Variants in NUP210 observed in about 807,000 individuals in gnomAD.
The protein encoded by NUP210 is nuclear pore membrane glycoprotein 210.
In NUP210, 151 loss-of-function variants were observed where a neutral mutation model predicts 196.0. The ratio of observed to expected loss-of-function variants is 0.77; its 90% CI spans 0.67 to 0.88. NUP210 has a LOEUF of 0.88. NUP210 is among the 40% of genes least tolerant of loss of function. The pLI is 0.00. For missense variants in NUP210, 2,314 were observed against 2,493.7 expected (o/e 0.93, Z 1.53); for synonymous variants, 1,070 against 1,052.7 (o/e 1.02, Z -0.32).
At chr3:13,317,809 C>A in intron 39 of NUP210, 28 bp from the exon 40 acceptor site, 1 of 1,504,626 alleles carries the variant, frequency 6.6e-7, no homozygotes, top group Non-Finnish European at 9.1e-7. Context: ...ACGATGTTAG[C>A]AGCAGAGCCA....
intron 30 of NUP210, among the ~76,000 whole-genome samples, 159 bp downstream of exon 30, chr3:13,330,301 C>T (rs1696942493): frequency 6.6e-6 from 1 of 152,214 alleles, no homozygotes; most frequent in Non-Finnish European, 1.5e-5. Context: ...GATGCTGTAG[C>T]TTTTTATCTA....
chr3:13,420,072 C>A lies in NUP210; in HGVS notation c.155G>T (p.Gly52Val). The change falls in exon 1 of 40, where the codon GGC becomes GTC. Residue 52 changes from glycine (G) to valine (V), a missense_variant. Physicochemically the swap from Gly to Val is moderately radical, Grantham distance 109. Coordinates refer to ENST00000254508, the MANE Select transcript of NUP210 (RefSeq NM_024923.4). This position sits in a 1 kb window ranked among gnomAD's most constrained non-coding sequence, Gnocchi z 4.8. Reference protein sequence around the residue: ...RVNFTLEASEGCYRWLSTRPE... With the variant: ...RVNFTLEASEVCYRWLSTRPE... ...CCGCGCGCCTCACCAGCGGTAGCAGCCCTCCGAGGCCTCCAGCGTGAAGTT... is the reference window on the plus strand; with the variant it reads ...CCGCGCGCCTCACCAGCGGTAGCAGACCTCCGAGGCCTCCAGCGTGAAGTT... The A allele has an allele frequency of 7.4e-7, 1 of 1,352,712 alleles. No homozygotes were observed. 83.8% of individuals were successfully genotyped at this position (1,352,712 alleles called of 1,614,324 possible). A position where few individuals can be genotyped will look rare whatever the true frequency, so the allele number is the denominator to read the frequency against.
chr3:13,418,013 G>C (rs1700403430), intron 1 of NUP210, among the ~76,000 whole-genome samples: 1 of 152,210 alleles, frequency 6.6e-6, no homozygotes, highest in South Asian at 2.1e-4. Context: ...GGATTCACTT[G>C]AAGCCAGCTG....
intron 1 of NUP210, among the ~76,000 whole-genome samples, chr3:13,401,889 C>CT (rs202000088): frequency 1.0e-4 from 15 of 150,302 alleles, no homozygotes; most frequent in African/African-American, 2.7e-4. Context: ...CCTAAAACTG[C>CT]TTTAAAAAAA....
chr3:13,332,750 A>C (rs1019344632), intron 28 of NUP210, among the ~76,000 whole-genome samples: 2 of 152,022 alleles, frequency 1.3e-5, no homozygotes, highest in African/African-American at 4.8e-5. Flanking sequence ...CACATGGCCA[A>C]AGATATGATG....
Position 13,378,974 on chromosome 3 carries a change from C to T in NUP210, c.983G>A (p.Arg328His), listed in dbSNP as rs765447965. 26 of 1,613,678 alleles carry T rather than the reference C, an allele frequency of 1.6e-5. No individual in the cohort carries two copies. The highest frequency in any genetic ancestry group is 1.7e-5 in the Non-Finnish European group (20 of 1,179,744). ...SSLVLGHRSI[R>H]MQGASRLPNS... ...GGGTAACCTAGAAGCACCTTGCATG[C>T]GAATACCTGAATTTTGAATTAAGGG... Residue 328 changes from arginine to histidine, a missense_variant, in exon 8 of 40, where the codon CGC becomes CAC. Coordinates refer to ENST00000254508, the MANE Select transcript of NUP210 (RefSeq NM_024923.4).
At position 13,335,313 on chromosome 3, in the gene NUP210, G is replaced by A. The variant is rs116669844; in HGVS notation, c.3843+141C>T. ...CACACCCGGATGTTTACCCCACTGC[G>A]ATGGACCACTGTCATCCCCACGGAC... On this transcript the variant is annotated intron_variant, in intron 28 of 39. Coordinates refer to ENST00000254508, the MANE Select transcript of NUP210 (RefSeq NM_024923.4). The A allele has an allele frequency of 5.8e-3, 5,638 of 979,556 alleles. 223 individuals carry two copies. In the African/African-American group the frequency reaches 0.081, roughly 14 times the overall value. 60.7% of individuals were successfully genotyped at this position (979,556 alleles called of 1,614,324 possible). A position where few individuals can be genotyped will look rare whatever the true frequency, so the allele number is the denominator to read the frequency against.
At chr3:13,385,334 C>T (rs78697756) in intron 6 of NUP210, among the ~76,000 whole-genome samples, 4,308 of 152,306 alleles carry the variant, frequency 0.028, 73 homozygotes, top group South Asian at 0.034. Context: ...CTGAGGCCCT[C>T]GGATGGACTG....
rs1417849521 is a variant in NUP210, at chr3:13,350,467, CAAAACAAAACAA to C, written c.2835+1400_2835+1411del. 2.6e-5 allele frequency among the ~76,000 whole-genome samples: 2 copies of C among 78,320 alleles called. No individual in the cohort carries two copies. The highest frequency in any genetic ancestry group is 2.0e-4 in the East Asian group (1 of 5,004). The allele number at this position is 78,320 out of a possible 152,430, so 51.4% of individuals were successfully genotyped here. ...CAAAACAAAACAAAACAAAACAAAACAAAACAAAACAAAAAACAAAACAAAACAGGAAAACAT... is the reference window on the plus strand; with the variant it reads ...CAAAACAAAACAAAACAAAACAAAACAAAACAAAACAAAACAGGAAAACAT... On this transcript the variant is annotated intron_variant, in intron 20 of 39. Transcript: ENST00000254508. This position sits in a 1 kb window ranked among gnomAD's most constrained non-coding sequence, Gnocchi z 4.1.
chr3:13,420,009 G>T lies in NUP210; in HGVS notation c.167+51C>A, dbSNP rs753802627. The T allele has an allele frequency of 3.6e-6, 4 of 1,106,992 alleles. No homozygotes were observed. The highest frequency in any genetic ancestry group is 1.7e-5 in the African/African-American group (1 of 59,832). 68.6% of individuals were successfully genotyped at this position (1,106,992 alleles called of 1,614,324 possible). On this transcript the variant is annotated intron_variant, in intron 1 of 39. Transcript: ENST00000254508. This position sits in a 1 kb window ranked among gnomAD's most constrained non-coding sequence, Gnocchi z 4.8. Reference sequence around the variant, plus strand: ...CGGCGCCCGCCCAGCCTCTCAGCGCGAAGGCCCAGCCCGGCCCACGGCGCC... The same window carrying T: ...CGGCGCCCGCCCAGCCTCTCAGCGCTAAGGCCCAGCCCGGCCCACGGCGCC...
intron 1 of NUP210, among the ~76,000 whole-genome samples, chr3:13,414,645 C>T (rs566935118): frequency 2.0e-5 from 3 of 152,326 alleles, no homozygotes; most frequent in African/African-American, 7.2e-5. Flanking sequence ...CCTTTGCGCA[C>T]TTCTGACAAG....
At chr3:13,407,798 T>A (rs4684936) in intron 1 of NUP210, among the ~76,000 whole-genome samples, 1 of 151,980 alleles carries the variant, frequency 6.6e-6, no homozygotes, top group Non-Finnish European at 1.5e-5. Flanking sequence ...CATCCACTTA[T>A]TGAAACCATA....
intron 1 of NUP210, among the ~76,000 whole-genome samples, chr3:13,404,822 T>C (rs1021404338): frequency 2.6e-5 from 4 of 152,182 alleles, no homozygotes; most frequent in Middle Eastern, 3.2e-3. Context: ...TGGCCAGTCA[T>C]GTGCAAGTCG....
At chr3:13,327,896 T>C (rs1418968696) in intron 31 of NUP210, among the ~76,000 whole-genome samples, 1 of 152,210 alleles carries the variant, frequency 6.6e-6, no homozygotes, top group African/African-American at 2.4e-5. Context: ...AGGCCTGGCA[T>C]AAGCATTACA....
In NUP210 at chr3:13,328,937, CAG is replaced by C. The variant is rs753818868; in HGVS notation, c.4118_4119del (p.Pro1373ArgfsTer55). On this transcript the variant is annotated frameshift_variant, in exon 31 of 40. Transcript: ENST00000254508. LOFTEE classifies it high-confidence loss of function. ...CTCATGGAAACCCTCAGGTAGGAAA[CAG>C]GGGATACCTAAGGGACAACATACAG... The part of the protein sequence containing the change: ...QTIIVAVKVS[P>X]VSYLRVSMSP... The C allele has an allele frequency of 2.5e-6, 4 of 1,613,742 alleles. No individual in the cohort carries two copies. The South Asian group carries it at 3.3e-5, about 13-fold the overall frequency.
Position 13,393,463 on chromosome 3 carries a change from G to C in NUP210, c.437-2156C>G, listed in dbSNP as rs1699554605. Among the ~76,000 whole-genome samples the C allele has an allele frequency of 3.3e-5, 5 of 152,256 alleles. No homozygotes were observed. In the South Asian group the frequency reaches 8.3e-4, roughly 25 times the overall value. ...GGGCAGAAAGTGTCCTTAGGCTTCT[G>C]TAAGTTACCTGCTCGGGCAGGTGCA... On this transcript the variant is annotated intron_variant, in intron 3 of 39. Coordinates refer to ENST00000254508, the MANE Select transcript of NUP210 (RefSeq NM_024923.4).
chr3:13,345,160 T>C, intron 20 of NUP210: 1 of 985,476 alleles, frequency 1.0e-6, no homozygotes, highest in Non-Finnish European at 1.2e-6. Flanking sequence ...GATAAGGTCA[T>C]GGAACCTGGT....
intron 26 of NUP210, 51 bp from the exon 27 acceptor site, chr3:13,336,969 T>C: frequency 6.2e-7 from 1 of 1,607,912 alleles, no homozygotes; most frequent in South Asian, 1.1e-5. Context: ...GCACTGGGAA[T>C]GCCCCCAGAA....
At chr3:13,399,346 A>C (rs1699763575) in intron 2 of NUP210, among the ~76,000 whole-genome samples, 1 of 152,138 alleles carries the variant, frequency 6.6e-6, no homozygotes, top group South Asian at 2.1e-4. Flanking sequence ...AGCATGATAG[A>C]AAATTATATT....
Sources: allele counts gnomAD v4.1 joint callset (sites outside exome capture counted in the v4.1 genomes callset), GRCh38; gene constraint gnomAD v4.1.1; non-coding constraint Gnocchi (gnomAD v3.1); transcripts MANE v1.5; gene names NCBI Gene and HGNC (gene_info 2026-07-23, HGNC 2026-07-21).